The following LRGUK variants were observed in gnomAD, a reference collection of about 807,000 sequenced individuals.
LRGUK encodes the protein leucine-rich repeat and guanylate kinase domain-containing protein.
LRGUK carries 65 observed loss-of-function variants against 76.0 expected under a neutral mutation model. The observed-to-expected ratio is 0.85, with a 90% CI of 0.70 to 1.05. The LOEUF is 1.05. Ranked by LOEUF, LRGUK falls within the 50% of genes least tolerant of loss-of-function variation. The probability of loss-of-function intolerance (pLI) is 0.00; values close to 1 mark genes in which losing one functional copy is unlikely to be tolerated. For missense variants in LRGUK, 758 were observed against 732.8 expected, an observed-to-expected ratio of 1.03 and a Z score of -0.40; for synonymous variants, 268 against 265.6, an observed-to-expected ratio of 1.01 and a Z score of -0.09.
At chr7:134,197,829 G>A (rs1034264054) in intron 13 of LRGUK, among the ~76,000 whole-genome samples, 8 of 151,778 alleles carry the variant, frequency 5.3e-5, no homozygotes, top group African/African-American at 1.9e-4. Flanking sequence ...TAAAAATATA[G>A]CTTTATTACA....
At chr7:134,252,565 G>T (rs1802477631) in intron 18 of LRGUK, among the ~76,000 whole-genome samples, 1 of 152,074 alleles carries the variant, frequency 6.6e-6, no homozygotes, top group Admixed American at 6.6e-5. Flanking sequence ...CAGAGAGAGT[G>T]CCCCATCCCA....
chr7:134,127,679 C>G lies in LRGUK; in HGVS notation c.297+15C>G, dbSNP rs987917355. The G allele has an allele frequency of 5.0e-6, 8 of 1,604,182 alleles. No homozygotes were observed. In the Admixed American group the frequency reaches 6.7e-5, roughly 13 times the overall value. On this transcript the variant is annotated intron_variant, in intron 1 of 15. Transcript: ENST00000645682. ...TGAATTTGGAGGTGTGTCTTCCCCC[C>G]CACCCCGTACTCCCTGGCTCCCTCG... is the stretch of plus-strand genomic sequence containing the variant.
At chr7:134,271,882 C>T in the LRGUK span, among the ~76,000 whole-genome samples, 1 of 152,066 alleles carries the variant, frequency 6.6e-6, no homozygotes, top group Non-Finnish European at 1.5e-5. Flanking sequence ...TTCATTTCTA[C>T]AAATAACCCT....
chr7:134,222,529 C>A (rs1801626311), intron 16 of LRGUK, among the ~76,000 whole-genome samples: 1 of 152,044 alleles, frequency 6.6e-6, no homozygotes, highest in Non-Finnish European at 1.5e-5. Context: ...GCTGCAGAAG[C>A]AACAGAACTT....
chr7:134,222,066 C>T, intron 16 of LRGUK, 148 bp downstream of exon 16: 1 of 694,356 alleles, frequency 1.4e-6, no homozygotes, highest in Admixed American at 4.2e-5. Flanking sequence ...ACTCTTTGTA[C>T]ATCCCTGAGA....
At chr7:134,181,728 A>G (rs1227776667) in intron 10 of LRGUK, among the ~76,000 whole-genome samples, 1 of 152,208 alleles carries the variant, frequency 6.6e-6, no homozygotes, top group Non-Finnish European at 1.5e-5. Flanking sequence ...AAGAAATAAT[A>G]CAGAGAAATT....
chr7:134,142,704 T>C (rs7782175), intron 3 of LRGUK, among the ~76,000 whole-genome samples: 94,856 of 152,038 alleles, frequency 0.62, 30,037 homozygotes, highest in African/African-American at 0.7. Flanking sequence ...GGCTTTTGCT[T>C]TTCATCCTTT....
chr7:134,243,582 C>T (rs1177832112), intron 16 of LRGUK, among the ~76,000 whole-genome samples: 2 of 152,126 alleles, frequency 1.3e-5, no homozygotes, highest in African/African-American at 4.8e-5. Context: ...ACATTCCATG[C>T]TCATGGATAG....
chr7:134,221,539 T>C (rs766601157), intron 15 of LRGUK, among the ~76,000 whole-genome samples: 2 of 152,178 alleles, frequency 1.3e-5, no homozygotes, highest in South Asian at 2.1e-4. Context: ...TTTATAAGCC[T>C]GAATTGATTA....
intron 3 of LRGUK, among the ~76,000 whole-genome samples, chr7:134,141,113 C>A (rs1008653522): frequency 1.3e-5 from 2 of 152,184 alleles, no homozygotes; most frequent in African/African-American, 4.8e-5. Flanking sequence ...ACGCTCCAAG[C>A]CTTTCTCTTC....
chr7:134,276,658 T>G, the LRGUK span, among the ~76,000 whole-genome samples: 1 of 151,998 alleles, frequency 6.6e-6, no homozygotes, highest in Non-Finnish European at 1.5e-5. Flanking sequence ...AAGAGGATAT[T>G]TTTCACATTT....
At chr7:134,209,967 C>T (rs550768249) in exon 16 of LRGUK, 4 of 399,314 alleles carry the variant, frequency 1.0e-5, no homozygotes, top group Non-Finnish European at 1.3e-5. Context: ...CAGCCTGATC[C>T]AAGGCCTGCA....
chr7:134,202,316 A>AT (rs892649874), intron 15 of LRGUK, among the ~76,000 whole-genome samples: 4 of 115,618 alleles, frequency 3.5e-5, no homozygotes, highest in Admixed American at 2.3e-4. Context: ...TAAAAACAAA[A>AT]TTAAAAAAAA....
intron 18 of LRGUK, among the ~76,000 whole-genome samples, chr7:134,253,106 C>G (rs1415274946): frequency 6.6e-6 from 1 of 152,156 alleles, no homozygotes; most frequent in Non-Finnish European, 1.5e-5. Context: ...TAGAAATGTA[C>G]TTCTTTGCTG....
At chr7:134,158,801 A>T (rs988851676) in intron 6 of LRGUK, among the ~76,000 whole-genome samples, 2 of 152,318 alleles carry the variant, frequency 1.3e-5, no homozygotes, top group Non-Finnish European at 2.9e-5. Context: ...AGTCCCAAAG[A>T]TATACACAGT....
At chr7:134,265,868 C>A (rs1022399962), downstream of LRGUK, among the ~76,000 whole-genome samples, 1 of 152,158 alleles carries the variant, frequency 6.6e-6, no homozygotes, top group East Asian at 1.9e-4. Flanking sequence ...TAGAAAAGGT[C>A]TCATGAAGAG....
intron 16 of LRGUK, 27 bp downstream of exon 16, chr7:134,221,945 C>G: frequency 1.9e-6 from 3 of 1,564,064 alleles, no homozygotes; most frequent in Non-Finnish European, 2.6e-6. Flanking sequence ...AGGGGTGAAG[C>G]CACAACTGAG....
chr7:134,155,276 C>T (rs1281428968), intron 5 of LRGUK, among the ~76,000 whole-genome samples: 3 of 152,080 alleles, frequency 2.0e-5, no homozygotes, highest in African/African-American at 2.4e-5. Flanking sequence ...TGTTACAATC[C>T]GTATCTACAA....
intron 7 of LRGUK, among the ~76,000 whole-genome samples, chr7:134,171,272 A>G (rs1799233597): frequency 6.6e-6 from 1 of 152,010 alleles, no homozygotes; most frequent in Non-Finnish European, 1.5e-5. Flanking sequence ...TACCATCATC[A>G]TCAACTAGTT....
Sources: gnomAD v4.1 joint callset for allele counts (sites outside exome capture counted in the v4.1 genomes callset) on GRCh38, gnomAD v4.1.1 for gene constraint, MANE v1.5 for transcripts, NCBI Gene and HGNC (gene_info 2026-07-23, HGNC 2026-07-21) for gene names.